Variants in CHN2 observed in about 807,000 individuals in gnomAD.
CHN2 encodes the protein beta-chimaerin.
CHN2 carries 35 observed loss-of-function variants against 56.3 expected under a neutral mutation model. The ratio of observed to expected loss-of-function variants is 0.62; its 90% confidence interval spans 0.47 to 0.82. The LOEUF is 0.82. Ranked by LOEUF, CHN2 falls within the 40% of genes least tolerant of loss-of-function variation. The pLI, the probability that CHN2 is intolerant of heterozygous loss-of-function variation, is 0.00. For synonymous variants in CHN2, 210 were observed against 212.8 expected (o/e 0.99, Z 0.12); for missense variants, 491 against 580.5 (o/e 0.85, Z 1.58).
intron 1 of CHN2, among the ~76,000 whole-genome samples, chr7:29,353,067 C>T (rs1426354866): frequency 6.6e-6 from 1 of 152,150 alleles, no homozygotes; most frequent in Non-Finnish European, 1.5e-5. Context: ...AACGCACTGA[C>T]TGTGTGTGTG....
rs1785040365 is a variant in CHN2 at position 29,212,618 on chromosome 7, C to T, written c.49+17628C>T. The T allele has an allele frequency of 2.9e-6, 4 of 1,397,016 alleles. No individual in the cohort carries two copies. In the East Asian group the frequency reaches 6.8e-5, roughly 24 times the overall value. 86.5% of individuals were successfully genotyped at this position (1,397,016 alleles called of 1,614,324 possible). ...CAGAACTGTGTTTTCTTCCACCCAG[C>T]TGTGTGTACTCAATGATAGATTTCA... On this transcript the variant is annotated intron_variant, in intron 1 of 12. Coordinates refer to ENST00000222792, the MANE Select transcript of CHN2 (RefSeq NM_004067.4).
intron 1 of CHN2, among the ~76,000 whole-genome samples, chr7:29,323,706 A>AG (rs2128896234): frequency 6.6e-6 from 1 of 151,942 alleles, no homozygotes; most frequent in East Asian, 1.9e-4. Flanking sequence ...ATTAAATTAT[A>AG]GGGGGTTGAG....
chr7:29,195,015 G>A, intron 1 of CHN2, 25 bp downstream of exon 1: 1 of 1,582,188 alleles, frequency 6.3e-7, no homozygotes. Flanking sequence ...GTCGGGCGCT[G>A]CTGCCGCGCC....
intron 7 of CHN2, among the ~76,000 whole-genome samples, chr7:29,488,923 C>T (rs10452795): frequency 1.3e-5 from 2 of 152,134 alleles, no homozygotes; most frequent in African/African-American, 4.8e-5. Context: ...AAATTCTCAA[C>T]TGCAGCATGT....
In CHN2 at chr7:29,195,110, G is replaced by A. The variant is rs1783505822; in HGVS notation, c.49+120G>A. On this transcript the variant is annotated intron_variant, in intron 1 of 12. Coordinates refer to ENST00000222792, the MANE Select transcript of CHN2 (RefSeq NM_004067.4). ...ATCCCGCCCGCTCTCTCGGAATGGG[G>A]GCAGGCGTCCGGGGTGATACTTGTT... 3 of 1,084,704 alleles carry A rather than the reference G, an allele frequency of 2.8e-6. No individual in the cohort carries two copies. In the African/African-American group the frequency reaches 4.9e-5, roughly 18 times the overall value. 67.2% of individuals were successfully genotyped at this position (1,084,704 alleles called of 1,614,324 possible).
intron 1 of CHN2, among the ~76,000 whole-genome samples, chr7:29,347,041 G>T (rs1797501416): frequency 6.6e-6 from 1 of 152,084 alleles, no homozygotes; most frequent in South Asian, 2.1e-4. Context: ...AGCGTTCTGT[G>T]TCTCCATTTG....
At chr7:29,162,585 C>T (rs567547323) in intron 2 of CHN2, among the ~76,000 whole-genome samples, 5 of 150,048 alleles carry the variant, frequency 3.3e-5, no homozygotes, top group East Asian at 2.0e-4. Context: ...CACTTGAACC[C>T]GGAAGGCGGA....
intron 1 of CHN2, among the ~76,000 whole-genome samples, chr7:29,254,437 G>A (rs73309969): frequency 3.3e-5 from 5 of 152,190 alleles, no homozygotes; most frequent in Admixed American, 1.3e-4. Context: ...TCTCAAGCAC[G>A]TTCTGTAACA....
intron 6 of CHN2, among the ~76,000 whole-genome samples, chr7:29,461,816 TTGGATGGATGGATGGA>T (rs5883212): frequency 5.3e-4 from 76 of 143,966 alleles, no homozygotes; most frequent in South Asian, 4.5e-4. Flanking sequence ...GGTTGGTTCA[TTGGATGGATGGATGGA>T]TGGATGGATG....
chr7:29,195,283 G>C (rs553793457), intron 1 of CHN2: 1 of 374,424 alleles, frequency 2.7e-6, no homozygotes, highest in East Asian at 4.5e-5. Context: ...GAGCGGGCAG[G>C]CTCGCACTTT....
At chr7:29,293,368 C>A (rs926064784) in intron 1 of CHN2, among the ~76,000 whole-genome samples, 9 of 114,718 alleles carry the variant, frequency 7.8e-5, no homozygotes, top group South Asian at 4.6e-4. Flanking sequence ...TAATGCCCCC[C>A]CCCCCCCCCA....
chr7:29,293,131 C>G (rs1792779180), intron 1 of CHN2, among the ~76,000 whole-genome samples: 1 of 152,314 alleles, frequency 6.6e-6, no homozygotes, highest in African/African-American at 2.4e-5. Context: ...CTACCAATCT[C>G]AAGGCCCAGA....
At chr7:29,417,140 C>G (rs114928859) in intron 6 of CHN2, among the ~76,000 whole-genome samples, 123 of 152,330 alleles carry the variant, frequency 8.1e-4, no homozygotes, top group African/African-American at 2.8e-3. Context: ...GCTCGCAGTC[C>G]TGAGCTGCGC....
At chr7:29,493,094 G>A (rs1300081486) in intron 7 of CHN2, among the ~76,000 whole-genome samples, 1 of 152,100 alleles carries the variant, frequency 6.6e-6, no homozygotes, top group Non-Finnish European at 1.5e-5. Flanking sequence ...CCCTATGTAA[G>A]TGTACCATTT....
At chr7:29,388,817 G>T (rs935825457) in intron 3 of CHN2, among the ~76,000 whole-genome samples, 4 of 152,160 alleles carry the variant, frequency 2.6e-5, no homozygotes, top group African/African-American at 4.8e-5. Context: ...CATAACATTC[G>T]CATGGCCTCA....
chr7:29,221,081 A>G (rs1457094807), intron 1 of CHN2, among the ~76,000 whole-genome samples: 1 of 152,168 alleles, frequency 6.6e-6, no homozygotes, highest in Non-Finnish European at 1.5e-5. Flanking sequence ...AAAATTCTCA[A>G]CAAACTAATA....
intron 6 of CHN2, among the ~76,000 whole-genome samples, chr7:29,471,310 CAA>C (rs1786006795): frequency 1.3e-5 from 2 of 152,294 alleles, no homozygotes; most frequent in African/African-American, 4.8e-5. Context: ...TAATGCAACA[CAA>C]AGTCTTCCTC....
At chr7:29,166,966 T>C (rs549917958) in intron 2 of CHN2, among the ~76,000 whole-genome samples, 1 of 152,310 alleles carries the variant, frequency 6.6e-6, no homozygotes, top group South Asian at 2.1e-4. Context: ...TTCTCCACAA[T>C]ATAAGATATA....
Position 29,355,030 on chromosome 7 carries a change from G to A in CHN2, c.88+367G>A, listed in dbSNP as rs145723005. On this transcript the variant is annotated intron_variant, in intron 2 of 12. Transcript: ENST00000222792. ...GTTGCCCAGGCTGGAGTGAAATGGC[G>A]CAATCTTGGCTCACCGCAACCTCCA... Among the ~76,000 whole-genome samples, 1,434 of 151,504 alleles carry A rather than the reference G, an allele frequency of 9.5e-3. 23 individuals carry two copies. Among genetic ancestry groups the A allele is most frequent in the African/African-American group, 0.033 (1,353 of 41,234 alleles).
Sources: allele counts gnomAD v4.1 joint callset (sites outside exome capture counted in the v4.1 genomes callset), GRCh38; gene constraint gnomAD v4.1.1; transcripts MANE v1.5; gene names NCBI Gene and HGNC (gene_info 2026-07-23, HGNC 2026-07-21).